The following METTL15 variants were observed in gnomAD, a reference collection of about 807,000 sequenced individuals.
The protein encoded by METTL15 is 12S rRNA N(4)-cytidine methyltransferase METTL15.
METTL15 carries 34 observed loss-of-function variants against 38.3 expected under a neutral mutation model. The observed-to-expected ratio is 0.89, with a 90% confidence interval of 0.68 to 1.18. The LOEUF (loss-of-function observed/expected upper bound fraction) is 1.18. METTL15 is among the 50% of genes most tolerant of loss of function. The pLI is 0.00. For missense variants in METTL15, 438 were observed against 498.4 expected (o/e 0.88, Z 1.15); for synonymous variants, 162 against 170.9 (o/e 0.95, Z 0.41).
rs531880776 is a variant in METTL15, at chr11:28,381,926, T to TG, written c.*358+19890_*358+19891insG. Among the ~76,000 whole-genome samples the TG allele has an allele frequency of 1.6e-3, 249 of 151,952 alleles. 2 individuals carry two copies. In the East Asian group the frequency reaches 0.025, roughly 15 times the overall value. ...ATGGTTTCCTGTTTCCTTTTTTTTT[T>TG]TGTGTGGATGTACATTTATGTCTGC... is the stretch of plus-strand genomic sequence containing the variant. On this transcript the variant is annotated intron_variant and NMD_transcript_variant, in intron 5 of 7. Coordinates refer to the METTL15 transcript ENST00000532947.
At chr11:28,360,202 C>T (rs1367766887) in intron 4 of METTL15, among the ~76,000 whole-genome samples, 1 of 152,174 alleles carries the variant, frequency 6.6e-6, no homozygotes, top group Non-Finnish European at 1.5e-5. Flanking sequence ...CTTTCACTTG[C>T]CATTTGCCTT....
chr11:28,130,881 T>C (rs970352570), intron 3 of METTL15, among the ~76,000 whole-genome samples: 3 of 152,220 alleles, frequency 2.0e-5, no homozygotes, highest in Non-Finnish European at 4.4e-5. Context: ...TAAAAAGTAC[T>C]GTGTGATATG....
chr11:28,376,884 G>C (rs1321563709), intron 5 of METTL15, among the ~76,000 whole-genome samples: 1 of 141,950 alleles, frequency 7.0e-6, no homozygotes, highest in African/African-American at 2.5e-5. Flanking sequence ...GCATTTGCTT[G>C]TCTGTAAAGT....
At chr11:28,516,390 C>T (rs1319948528) in intron 6 of METTL15, among the ~76,000 whole-genome samples, 2 of 152,116 alleles carry the variant, frequency 1.3e-5, no homozygotes, top group Non-Finnish European at 2.9e-5. Context: ...TCATGAAGCT[C>T]ACCAAAGAAC....
chr11:28,419,755 A>G (rs1475175893), intron 5 of METTL15, among the ~76,000 whole-genome samples: 5 of 152,238 alleles, frequency 3.3e-5, no homozygotes, highest in Admixed American at 1.3e-4. Flanking sequence ...AGGAAACTCA[A>G]AGAAACCCCA....
intron 3 of METTL15, chr11:28,122,057 A>G (rs145460348): frequency 3.7e-6 from 3 of 802,856 alleles, no homozygotes; most frequent in Admixed American, 5.5e-5. Flanking sequence ...TTTAGTTAAT[A>G]AAAGTTATAG....
chr11:28,294,189 G>A (rs1384166970), intron 5 of METTL15, among the ~76,000 whole-genome samples: 3 of 152,144 alleles, frequency 2.0e-5, no homozygotes, highest in African/African-American at 7.2e-5. Flanking sequence ...TTGGCTGTGG[G>A]TTTGTCATAG....
At chr11:28,238,932 T>G (rs1218091207) in intron 4 of METTL15, among the ~76,000 whole-genome samples, 1 of 152,236 alleles carries the variant, frequency 6.6e-6, no homozygotes, top group Non-Finnish European at 1.5e-5. Context: ...GTTGACTATT[T>G]CCTATTCCTT....
chr11:28,525,908 CT>C (rs1177502549), intron 6 of METTL15, among the ~76,000 whole-genome samples: 15 of 152,352 alleles, frequency 9.8e-5, no homozygotes, highest in African/African-American at 3.6e-4. Flanking sequence ...GGTGGGGAGT[CT>C]CAGGCATGGT....
chr11:28,478,298 T>A (rs917037808), intron 6 of METTL15, among the ~76,000 whole-genome samples: 5 of 152,196 alleles, frequency 3.3e-5, no homozygotes, highest in African/African-American at 1.2e-4. Flanking sequence ...TCTGTTTATA[T>A]CCTAAAGCTA....
intron 6 of METTL15, among the ~76,000 whole-genome samples, chr11:28,429,477 C>G (rs1181828950): frequency 1.5e-5 from 2 of 135,842 alleles, no homozygotes. Flanking sequence ...GCCTGATTCT[C>G]CTGCCTCAGC....
chr11:28,374,461 C>T (rs1005962714), intron 5 of METTL15, among the ~76,000 whole-genome samples: 16 of 146,600 alleles, frequency 1.1e-4, no homozygotes, highest in African/African-American at 3.4e-4. Context: ...ATTTCGCTCT[C>T]TGTTTGTCTG....
chr11:28,475,587 G>A (rs1203783118), intron 6 of METTL15, among the ~76,000 whole-genome samples: 1 of 152,044 alleles, frequency 6.6e-6, no homozygotes, highest in Admixed American at 6.5e-5. Flanking sequence ...TCTTCTACAG[G>A]GTGTATTCAC....
chr11:28,312,088 T>G (rs769455221), intron 6 of METTL15, among the ~76,000 whole-genome samples: 20 of 152,210 alleles, frequency 1.3e-4, no homozygotes, highest in African/African-American at 4.3e-4. Flanking sequence ...CTTCATCACA[T>G]TGAAGAACTC....
intron 6 of METTL15, among the ~76,000 whole-genome samples, chr11:28,519,577 C>G (rs946594409): frequency 6.6e-6 from 1 of 151,534 alleles, no homozygotes; most frequent in Non-Finnish European, 1.5e-5. Context: ...AGAAGAACCT[C>G]AGAGATCATA....
rs139902675 is a variant in METTL15, at chr11:28,450,490, C to G, written c.*424+26126C>G. 4.5e-3 allele frequency among the ~76,000 whole-genome samples: 692 copies of G among 152,188 alleles called. 1 individual carries two copies. Among genetic ancestry groups the G allele is most frequent in the African/African-American group, 0.016 (650 of 41,518 alleles). On this transcript the variant is annotated intron_variant and NMD_transcript_variant, in intron 6 of 7. Transcript: ENST00000532947. ...CTAAATGATATGATGAATGTAAAAG[C>G]CTTTTGTATGTATCCTTTATAAAGG...
rs1856750593 is a variant in METTL15 at position 28,296,753 on chromosome 11, G to C, written c.600G>C (p.Arg200Ser). Residue 200 changes from arginine to serine, a missense_variant and splice_region_variant, in exon 6 of 7, where the codon AGG (arginine) becomes AGC (serine). Physicochemically the swap from Arg to Ser is moderately radical, Grantham distance 110 (BLOSUM62 -1). Coordinates refer to ENST00000407364, the MANE Select transcript of METTL15 (RefSeq NM_001113528.2). ...ACTAATTGGCTCTTCTTGTGCGTAG[G>C]TACCCTGACATGCCCACTGCTGCTG... ...GPLDMRMDGG[R>S]YPDMPTAADV... The C allele has an allele frequency of 3.1e-6, 5 of 1,612,760 alleles. No individual in the cohort carries two copies. The highest frequency in any genetic ancestry group is 4.2e-6 in the Non-Finnish European group (5 of 1,179,442).
chr11:28,171,249 A>T (rs1245050043), intron 3 of METTL15, among the ~76,000 whole-genome samples: 1 of 152,188 alleles, frequency 6.6e-6, no homozygotes, highest in Admixed American at 6.5e-5. Flanking sequence ...TTGAAGTGTC[A>T]TGCGGAGAAC....
At chr11:28,186,581 T>C (rs1381150945) in intron 3 of METTL15, among the ~76,000 whole-genome samples, 1 of 151,148 alleles carries the variant, frequency 6.6e-6, no homozygotes, top group Non-Finnish European at 1.5e-5. Context: ...TAGTTTTTCA[T>C]CATATACAAA....
Sources: gnomAD v4.1 joint callset for allele counts (sites outside exome capture counted in the v4.1 genomes callset) on GRCh38, gnomAD v4.1.1 for gene constraint, MANE v1.5 for transcripts, NCBI Gene and HGNC (gene_info 2026-07-23, HGNC 2026-07-21) for gene names.